The following LRP2 variants were observed in gnomAD, a reference collection of about 807,000 sequenced individuals.
LRP2 encodes the protein LDL receptor related protein 2.
LRP2 carries 172 observed loss-of-function variants against 531.0 expected under a neutral mutation model. The ratio of observed to expected loss-of-function variants is 0.32; its 90% CI spans 0.29 to 0.37. The LOEUF (loss-of-function observed/expected upper bound fraction) is 0.37, where lower values mean the gene tolerates loss of function less well. LRP2 is among the 10% of genes least tolerant of loss of function. The pLI is 1.00. For synonymous variants in LRP2, 1,992 were observed against 2,027.6 expected (o/e 0.98, Z 0.47); for missense variants, 5,167 against 5,868.3 (o/e 0.88, Z 3.90).
At chr2:169,162,349 G>T in intron 63 of LRP2, 123 bp downstream of exon 63, 1 of 1,126,714 alleles carries the variant, frequency 8.9e-7, no homozygotes, top group Non-Finnish European at 1.3e-6. Flanking sequence ...GGGCTTGACT[G>T]GAATTCAAGC....
intron 72 of LRP2, 45 bp downstream of exon 72, chr2:169,140,410 A>G (rs1685675713): frequency 6.7e-7 from 1 of 1,499,976 alleles, no homozygotes; most frequent in Non-Finnish European, 9.3e-7. Context: ...AAATTTCCCC[A>G]GAAGAGGCAA....
At chr2:169,181,351 A>G (rs908079538) in intron 52 of LRP2, 97 bp downstream of exon 52, 2 of 1,221,110 alleles carry the variant, frequency 1.6e-6, no homozygotes, top group Non-Finnish European at 2.4e-6. Context: ...CAGACAGGCC[A>G]GTTAGACAAT....
At chr2:169,193,428 CA>C (rs1166288828) in intron 47 of LRP2, among the ~76,000 whole-genome samples, 2,108 of 62,194 alleles carry the variant, frequency 0.034, 14 homozygotes, top group Admixed American at 0.068. Flanking sequence ...AAGACCTTGT[CA>C]AAAAAAAAAA....
At chr2:169,343,185 C>T (rs1685610643) in intron 1 of LRP2, among the ~76,000 whole-genome samples, 1 of 152,150 alleles carries the variant, frequency 6.6e-6, no homozygotes, top group Non-Finnish European at 1.5e-5. Flanking sequence ...AATGGAAACA[C>T]CAGGTCCACC....
rs145432614 is a variant in LRP2 at position 169,177,983 on chromosome 2, C to T, written c.10213G>A (p.Gly3405Arg). The T allele has an allele frequency of 5.6e-6, 9 of 1,614,112 alleles. No homozygotes were observed. Among genetic ancestry groups the T allele is most frequent in the Non-Finnish European group, 7.6e-6 (9 of 1,180,024 alleles). ...ATAGCGAAAGGGTGAGGCAGTGCCC[C>T]ATCATACACCGTGTGTCGATGGTGG... The part of the protein sequence containing the change: ...EGHHRHTVYD[G>R]ALPHPFAITI... Residue 3405 changes from glycine to arginine, a missense_variant, in exon 53 of 79, where the codon GGG becomes AGG. Gly to Arg is a moderately radical substitution (Grantham distance 125, BLOSUM62 -2). This residue lies in a region of LRP2 where 1,129 missense variants were observed against 1,362.7 expected (regional missense o/e 0.83). Coordinates refer to ENST00000649046, the MANE Select transcript of LRP2 (RefSeq NM_004525.3).
At chr2:169,294,481 C>G in intron 5 of LRP2, 119 bp downstream of exon 5, 1 of 839,822 alleles carries the variant, frequency 1.2e-6, no homozygotes, top group Non-Finnish European at 2.0e-6. Flanking sequence ...CGGCTGACTT[C>G]AAACTACCAA....
At chr2:169,237,547 A>C (rs965293987) in intron 27 of LRP2, among the ~76,000 whole-genome samples, 3 of 152,226 alleles carry the variant, frequency 2.0e-5, no homozygotes, top group Admixed American at 6.5e-5. Context: ...TTGGTTTCAA[A>C]AGTTTTTGCA....
Position 169,201,818 on chromosome 2 carries a change from G to A in LRP2, c.8262C>T (p.Val2754=), listed in dbSNP as rs1559012787. The change falls in exon 44 of 79, where the codon GTC becomes GTT. Residue 2754 remains valine, a synonymous_variant. Coordinates refer to ENST00000649046, the MANE Select transcript of LRP2 (RefSeq NM_004525.3). ...AGTAATCACAGCGGTAAGAGTATTG[G>A]ACACATCGCCCATTGGCACAGGTGA... ...TAFTCANGRC[V]QYSYRCDYYN... The A allele has an allele frequency of 1.2e-6, 2 of 1,614,194 alleles. No individual in the cohort carries two copies. The highest frequency in any genetic ancestry group is 1.6e-4 in the Middle Eastern group (1 of 6,062).
intron 1 of LRP2, among the ~76,000 whole-genome samples, chr2:169,324,647 A>C (rs1228570467): frequency 6.7e-6 from 1 of 150,022 alleles, no homozygotes; most frequent in Non-Finnish European, 1.5e-5. Flanking sequence ...AAAAAAAAAG[A>C]GTAATCCTTT....
intron 49 of LRP2, among the ~76,000 whole-genome samples, chr2:169,187,762 ACTAT>A (rs780787080): frequency 1.2e-4 from 19 of 152,322 alleles, no homozygotes; most frequent in Non-Finnish European, 2.5e-4. Flanking sequence ...CTCTCTAATG[ACTAT>A]CTAAGCAAAG....
Position 169,244,700 on chromosome 2 carries a change from C to A in LRP2, c.3423G>T (p.Lys1141Asn), listed in dbSNP as rs1469761752. The A allele has an allele frequency of 1.2e-6, 2 of 1,614,222 alleles. No individual in the cohort carries two copies. Among genetic ancestry groups the A allele is most frequent in the Non-Finnish European group, 8.5e-7 (1 of 1,180,032 alleles). ...DNDCGDGSDE[K>N]NCNSTETCQP... is the part of the protein sequence containing the mutation. ...AACCAGCTCAAAACTTACTGCAGTT[C>A]TTTTCATCAGATCCATCCCCACAAT... is the stretch of plus-strand genomic sequence containing the variant. Residue 1141 changes from lysine to asparagine, a missense_variant, in exon 22 of 79, where the codon AAG becomes AAT. This residue lies in a region of LRP2 where 2,811 missense variants were observed against 3,058.0 expected (regional missense o/e 0.92). Transcript: ENST00000649046.
At chr2:169,261,585 C>T (rs1438677091) in intron 16 of LRP2, among the ~76,000 whole-genome samples, 1 of 151,346 alleles carries the variant, frequency 6.6e-6, no homozygotes, top group Non-Finnish European at 1.5e-5. Context: ...TAACCACTGA[C>T]TATGAGGAAT....
chr2:169,257,068 T>A, intron 18 of LRP2, 56 bp downstream of exon 18: 4 of 1,603,844 alleles, frequency 2.5e-6, no homozygotes, highest in Non-Finnish European at 3.4e-6. Flanking sequence ...ACCTGCCTCA[T>A]TATGTGTTCT....
In LRP2 at chr2:169,175,019, TAA is replaced by T. The variant is rs201393942; in HGVS notation, c.10768+172_10768+173del. ...TGCCTTGTAAAAACCTTAAGATTTC[TAA>T]AAAAAAAAAAAAAAAAACTTCATAA... On this transcript the variant is annotated intron_variant, in intron 55 of 78. Transcript: ENST00000649046. Among the ~76,000 whole-genome samples, 971 of 108,696 alleles carry T rather than the reference TAA, an allele frequency of 8.9e-3. 4 individuals are homozygous for T. The highest frequency in any genetic ancestry group is 0.013 in the Middle Eastern group (3 of 226). The allele number at this position is 108,696 out of a possible 152,430, so 71.3% of individuals were successfully genotyped here. A position where few individuals can be genotyped will look rare whatever the true frequency, so the allele number is the denominator to read the frequency against.
intron 47 of LRP2, 139 bp from the exon 48 acceptor site, chr2:169,192,172 T>C: frequency 1.7e-6 from 1 of 580,342 alleles, no homozygotes; most frequent in Non-Finnish European, 3.0e-6. Flanking sequence ...ACTGCTATTA[T>C]AATAATAGAT....
At chr2:169,186,113 A>G in intron 49 of LRP2, 94 bp from the exon 50 acceptor site, 3 of 1,064,846 alleles carry the variant, frequency 2.8e-6, no homozygotes, top group African/African-American at 1.6e-5. Context: ...AACAGTGCCA[A>G]TTCTTAATGA....
In LRP2 at chr2:169,338,409, A is replaced by AAAGAAAGAAAGAAAG. The variant is rs1165724071; in HGVS notation, c.80-17526_80-17525insCTTTCTTTCTTTCTT. On this transcript the variant is annotated intron_variant, in intron 1 of 78. Transcript: ENST00000649046. ...GAAAGAAAGAAAGAAAGAAAGAAAG[A>AAAGAAAGAAAGAAAG]AAAGAAAAGAAAAGAAAAAAGGAGG... 7.9e-5 allele frequency among the ~76,000 whole-genome samples: 8 copies of AAAGAAAGAAAGAAAG among 100,904 alleles called. No individual in the cohort carries two copies. The East Asian group carries it at 1.0e-3, about 13-fold the overall frequency. The allele number at this position is 100,904 out of a possible 152,430, so 66.2% of individuals were successfully genotyped here.
intron 1 of LRP2, among the ~76,000 whole-genome samples, chr2:169,357,194 C>T (rs1190949330): frequency 6.6e-6 from 1 of 151,562 alleles, no homozygotes; most frequent in Non-Finnish European, 1.5e-5. Context: ...GCTCTAGATT[C>T]GTGCAGTCAA....
Position 169,307,530 on chromosome 2 carries a change from C to T in LRP2, c.311-133G>A, listed in dbSNP as rs914880085. 12 of 683,038 alleles carry T rather than the reference C, an allele frequency of 1.8e-5. No individual in the cohort carries two copies. The South Asian group carries it at 1.9e-4, about 11-fold the overall frequency. 42.3% of individuals were successfully genotyped at this position (683,038 alleles called of 1,614,324 possible). ...GGTAAAGTACCTGGCTACCACCAAG[C>T]TGAGCTTACAAAGCAAAAACAGAAG... On this transcript the variant is annotated intron_variant, in intron 3 of 78. Transcript: ENST00000649046.
Sources: gnomAD v4.1 joint callset for allele counts (sites outside exome capture counted in the v4.1 genomes callset) on GRCh38, gnomAD v4.1.1 for gene constraint, gnomAD v4.1.1 regional missense constraint, MANE v1.5 for transcripts, NCBI Gene and HGNC (gene_info 2026-07-23, HGNC 2026-07-21) for gene names.